Variants in PTPRN2 observed in about 807,000 individuals in gnomAD.
The protein encoded by PTPRN2 is protein tyrosine phosphatase receptor type N2.
PTPRN2 carries 74 observed loss-of-function variants against 118.8 expected under a neutral mutation model. That is an observed-to-expected ratio of 0.62 (90% CI 0.52 to 0.76). PTPRN2 has a LOEUF of 0.76. PTPRN2 is among the 30% of genes least tolerant of loss of function. The pLI, the probability that PTPRN2 is intolerant of heterozygous loss-of-function variation, is 0.00. For missense variants in PTPRN2, 1,481 were observed against 1,394.4 expected, an observed-to-expected ratio of 1.06 and a Z score of -0.99; for synonymous variants, 641 against 608.0, an observed-to-expected ratio of 1.05 and a Z score of -0.80.
At chr7:157,543,444 C>A (rs539650922) in intron 22 of PTPRN2, among the ~76,000 whole-genome samples, 1 of 152,226 alleles carries the variant, frequency 6.6e-6, no homozygotes, top group African/African-American at 2.4e-5. Context: ...CGCTGGACAG[C>A]GAGTGGGAAC....
At chr7:157,821,486 C>T (rs556961128) in intron 12 of PTPRN2, among the ~76,000 whole-genome samples, 2 of 152,096 alleles carry the variant, frequency 1.3e-5, no homozygotes, top group African/African-American at 2.4e-5. Flanking sequence ...GAAAGAGCAG[C>T]CAGAGACATC....
intron 12 of PTPRN2, chr7:157,862,660 T>C (rs900458476): frequency 1.3e-5 from 2 of 152,266 alleles, no homozygotes; most frequent in African/African-American, 4.8e-5. Flanking sequence ...CTAGAAATTA[T>C]TTCCAGTGCT....
intron 13 of PTPRN2, among the ~76,000 whole-genome samples, chr7:157,656,817 A>G (rs982555624): frequency 2.4e-5 from 3 of 123,182 alleles, no homozygotes; most frequent in African/African-American, 8.4e-5. Context: ...ACAAACACAC[A>G]TACACACACA....
At chr7:157,544,283 G>A (rs934489721) in intron 22 of PTPRN2, among the ~76,000 whole-genome samples, 2 of 152,198 alleles carry the variant, frequency 1.3e-5, no homozygotes, top group Non-Finnish European at 2.9e-5. Context: ...CGTGGACTGC[G>A]CTACGCGTGA....
chr7:157,719,359 T>A (rs1799110218), intron 12 of PTPRN2, among the ~76,000 whole-genome samples: 1 of 152,106 alleles, frequency 6.6e-6, no homozygotes, highest in South Asian at 2.1e-4. Context: ...TCTCTCTAGG[T>A]CTGAGAAGTG....
chr7:158,083,975 C>T (rs1181251876), intron 10 of PTPRN2, among the ~76,000 whole-genome samples: 1 of 49,758 alleles, frequency 2.0e-5, no homozygotes, highest in East Asian at 1.2e-3. Context: ...ATCCCGAGGC[C>T]CCACTACAGG....
At chr7:158,087,486 G>T (rs1181440600) in intron 10 of PTPRN2, among the ~76,000 whole-genome samples, 3 of 152,228 alleles carry the variant, frequency 2.0e-5, no homozygotes, top group Admixed American at 6.5e-5. Context: ...TCCACCTTTT[G>T]ACAGTCAAAT....
chr7:158,408,959 T>C (rs180837427), intron 2 of PTPRN2, among the ~76,000 whole-genome samples: 1 of 151,884 alleles, frequency 6.6e-6, no homozygotes. Flanking sequence ...ACCTCCATAT[T>C]TGCTATACAT....
chr7:158,332,400 C>G (rs553748280), intron 2 of PTPRN2, among the ~76,000 whole-genome samples: 1 of 128,964 alleles, frequency 7.8e-6, no homozygotes, highest in Non-Finnish European at 1.8e-5. Flanking sequence ...GTCACTCACA[C>G]CCATACTCTC....
intron 10 of PTPRN2, among the ~76,000 whole-genome samples, chr7:158,084,988 CGG>C (rs1339706683): frequency 5.5e-5 from 7 of 127,220 alleles, no homozygotes; most frequent in East Asian, 5.7e-4. Context: ...CCCATCCACA[CGG>C]ATGCCCATAC....
In PTPRN2 at chr7:158,328,746, T is replaced by C. The variant is rs1156704391; in HGVS notation, c.164-11814A>G. Among the ~76,000 whole-genome samples, 4 of 144,478 alleles carry C rather than the reference T, an allele frequency of 2.8e-5. No individual in the cohort carries two copies. The East Asian group carries it at 8.0e-4, about 29-fold the overall frequency. 94.8% of individuals were successfully genotyped at this position (144,478 alleles called of 152,430 possible). A position where few individuals can be genotyped will look rare whatever the true frequency, so the allele number is the denominator to read the frequency against. On this transcript the variant is annotated intron_variant, in intron 2 of 22. Transcript: ENST00000389418. The stretch of plus-strand genomic sequence containing the variant: ...CAGGTGTCAGGTCTTATGGTGAGAG[T>C]GTGGGTGTCAGTGACATCTGCAAGT...
chr7:158,416,869 TCAC>T (rs1212021159), intron 2 of PTPRN2, among the ~76,000 whole-genome samples: 2 of 152,114 alleles, frequency 1.3e-5, no homozygotes, highest in South Asian at 2.1e-4. Flanking sequence ...CAGAGGCACT[TCAC>T]CACCACAAAA....
chr7:158,452,271 C>T (rs990578703), intron 2 of PTPRN2, among the ~76,000 whole-genome samples: 2 of 152,074 alleles, frequency 1.3e-5, no homozygotes, highest in Non-Finnish European at 2.9e-5. Flanking sequence ...AAAGCTAGTT[C>T]GTTTAATTTC....
chr7:158,485,694 C>T (rs999896164), intron 2 of PTPRN2, among the ~76,000 whole-genome samples: 1 of 151,930 alleles, frequency 6.6e-6, no homozygotes, highest in African/African-American at 2.4e-5. Context: ...GTGGTTCCTT[C>T]ATGTGCCTCC....
chr7:158,583,658 TCTAG>T (rs1412829640), intron 1 of PTPRN2, among the ~76,000 whole-genome samples: 1 of 152,216 alleles, frequency 6.6e-6, no homozygotes. Context: ...GCTTCCTGAA[TCTAG>T]CTTCATGAGT....
chr7:157,967,161 T>A (rs1346168398), intron 11 of PTPRN2, among the ~76,000 whole-genome samples: 1 of 151,872 alleles, frequency 6.6e-6, no homozygotes, highest in Admixed American at 6.6e-5. Flanking sequence ...CTCTATTAAA[T>A]TTTTTTTAAA....
chr7:158,365,117 A>G (rs140497760), intron 2 of PTPRN2, among the ~76,000 whole-genome samples: 52 of 152,348 alleles, frequency 3.4e-4, no homozygotes, highest in Non-Finnish European at 6.3e-4. Context: ...CTCTTCAGAC[A>G]CAATCTGAAA....
Position 158,572,009 on chromosome 7 carries a change from G to A in PTPRN2, c.112+15549C>T, listed in dbSNP as rs1044546845. On this transcript the variant is annotated intron_variant, in intron 1 of 22. Transcript: ENST00000389418. ...ACTAGGAATGCACTGGAAAGAGAAA[G>A]GTGCTAGTGAGCTTCTGGAAGCACA... Among the ~76,000 whole-genome samples, 3 of 152,198 alleles carry A rather than the reference G, an allele frequency of 2.0e-5. No homozygotes were observed. The East Asian group carries it at 5.8e-4, about 29-fold the overall frequency.
chr7:157,725,455 T>TATCTACAC (rs1563042390), intron 12 of PTPRN2, among the ~76,000 whole-genome samples: 5 of 34,426 alleles, frequency 1.5e-4, no homozygotes, highest in African/African-American at 9.6e-4. Flanking sequence ...GATATCCACA[T>TATCTACAC]GCAGAGGAGT....
Sources: allele counts gnomAD v4.1 joint callset (sites outside exome capture counted in the v4.1 genomes callset), GRCh38; gene constraint gnomAD v4.1.1; transcripts MANE v1.5; gene names NCBI Gene and HGNC (gene_info 2026-07-23, HGNC 2026-07-21).